Variants in UBAC2 observed in about 807,000 individuals in gnomAD.
UBAC2 encodes ubiquitin-associated domain-containing protein 2.
Under a neutral mutation model 44.0 loss-of-function variants are expected in UBAC2, and 26 were observed. The observed-to-expected ratio is 0.59, with a 90% CI of 0.43 to 0.82. UBAC2 has a LOEUF of 0.82. Ranked by LOEUF, UBAC2 falls within the 40% of genes least tolerant of loss-of-function variation. The pLI is 0.00. For missense variants in UBAC2, 329 were observed against 419.4 expected (o/e 0.78, Z 1.88); for synonymous variants, 155 against 154.3 (o/e 1.00, Z -0.04).
chr13:99,275,917 C>T (rs1414915352), intron 4 of UBAC2, among the ~76,000 whole-genome samples: 1 of 152,164 alleles, frequency 6.6e-6, no homozygotes. Flanking sequence ...CCCTGCTCAC[C>T]ACCAATGGGT....
chr13:99,291,282 A>G (rs1257197181), intron 4 of UBAC2, among the ~76,000 whole-genome samples: 1 of 152,218 alleles, frequency 6.6e-6, no homozygotes, highest in Non-Finnish European at 1.5e-5. Flanking sequence ...CTGTCTTTTA[A>G]GCAACCTGCT....
In UBAC2 at chr13:99,200,881, C is replaced by T. The variant is rs752371279; in HGVS notation, c.-28C>T. 7.7e-6 allele frequency: 10 copies of T among 1,302,284 alleles called. No individual in the cohort carries two copies. In the East Asian group the frequency reaches 1.5e-4, roughly 19 times the overall value. The allele number at this position is 1,302,284 out of a possible 1,614,324, so 80.7% of individuals were successfully genotyped here. On this transcript the variant is annotated 5_prime_UTR_variant, in exon 1 of 9. Transcript: ENST00000403766. ...ACTTCAGCTTCCCCTCCCCCGGCGC[C>T]CTCTGGGGCTCCGAGCCCGGCGGGA...
chr13:99,242,919 C>T (rs1291764248), intron 2 of UBAC2, among the ~76,000 whole-genome samples: 8 of 150,736 alleles, frequency 5.3e-5, no homozygotes, highest in Non-Finnish European at 7.4e-5. Flanking sequence ...GATGGGCGGC[C>T]GGGTAGAGAC....
chr13:99,342,654 T>G (rs151087669), intron 7 of UBAC2, among the ~76,000 whole-genome samples: 11 of 152,190 alleles, frequency 7.2e-5, no homozygotes, highest in Admixed American at 7.2e-4. Context: ...CTGTCCACCT[T>G]CCATTTGGTG....
At chr13:99,228,541 G>A (rs1246858260) in intron 1 of UBAC2, among the ~76,000 whole-genome samples, 3 of 152,106 alleles carry the variant, frequency 2.0e-5, no homozygotes, top group South Asian at 2.1e-4. Context: ...CGATCTGCCC[G>A]ACTTGGCCTC....
intron 4 of UBAC2, among the ~76,000 whole-genome samples, chr13:99,253,253 C>T (rs2043481727): frequency 6.6e-6 from 1 of 151,944 alleles, no homozygotes; most frequent in Admixed American, 6.6e-5. Flanking sequence ...TGTTTACATT[C>T]TTTAAGCATG....
intron 4 of UBAC2, among the ~76,000 whole-genome samples, chr13:99,253,169 AT>A (rs1566469194): frequency 6.6e-6 from 1 of 151,502 alleles, no homozygotes; most frequent in East Asian, 1.9e-4. Context: ...TCATTTGACT[AT>A]TGAAACTAAA....
intron 6 of UBAC2, among the ~76,000 whole-genome samples, chr13:99,326,592 A>T (rs1054182521): frequency 6.6e-6 from 1 of 152,194 alleles, no homozygotes; most frequent in South Asian, 2.1e-4. Flanking sequence ...GATGCTTACA[A>T]TGTGTACTGC....
intron 4 of UBAC2, among the ~76,000 whole-genome samples, chr13:99,247,565 G>A (rs560692406): frequency 3.3e-5 from 5 of 152,104 alleles, no homozygotes; most frequent in Admixed American, 6.5e-5. Flanking sequence ...GGAGGGGAAC[G>A]TCACACACTG....
intron 4 of UBAC2, among the ~76,000 whole-genome samples, chr13:99,266,468 A>T (rs931279915): frequency 6.6e-6 from 1 of 152,148 alleles, no homozygotes; most frequent in Non-Finnish European, 1.5e-5. Context: ...CATGGGCTGC[A>T]GGTTGGACAA....
intron 4 of UBAC2, among the ~76,000 whole-genome samples, chr13:99,308,385 A>C (rs1337628985): frequency 6.6e-6 from 1 of 152,160 alleles, no homozygotes; most frequent in African/African-American, 2.4e-5. Context: ...TCTCATAGAA[A>C]AGTGTTTACA....
intron 8 of UBAC2, among the ~76,000 whole-genome samples, chr13:99,375,282 G>GT (rs2138915625): frequency 6.6e-6 from 1 of 152,054 alleles, no homozygotes; most frequent in Non-Finnish European, 1.5e-5. Flanking sequence ...GATGTGAAAG[G>GT]AGGGGGGATC....
chr13:99,292,738 CAACTGCCAT>C (rs1304737118), intron 4 of UBAC2, among the ~76,000 whole-genome samples: 4 of 147,002 alleles, frequency 2.7e-5, no homozygotes, highest in Admixed American at 2.7e-4. Context: ...TTAATGTGGT[CAACTGCCAT>C]AATAACGATC....
intron 6 of UBAC2, among the ~76,000 whole-genome samples, chr13:99,330,353 G>C (rs557162040): frequency 6.7e-6 from 1 of 149,486 alleles, no homozygotes; most frequent in Non-Finnish European, 1.5e-5. Flanking sequence ...CAGCTATTCA[G>C]GAGGCTGAGG....
chr13:99,383,818 A>T (rs1293804240), intron 8 of UBAC2, among the ~76,000 whole-genome samples: 1 of 151,424 alleles, frequency 6.6e-6, no homozygotes, highest in Non-Finnish European at 1.5e-5. Flanking sequence ...TTGGCCCTCA[A>T]CTCTTCCCTA....
chr13:99,201,062 C>G, intron 1 of UBAC2, 123 bp downstream of exon 1: 1 of 1,329,236 alleles, frequency 7.5e-7, no homozygotes, highest in South Asian at 2.5e-5. Context: ...CCCTCCAGAC[C>G]CGCGTCCGAA....
At chr13:99,211,834 C>A (rs2042940036) in intron 1 of UBAC2, among the ~76,000 whole-genome samples, 1 of 150,446 alleles carries the variant, frequency 6.6e-6, no homozygotes, top group Non-Finnish European at 1.5e-5. Flanking sequence ...GAGCTTGAGC[C>A]CTGGTCATTG....
At chr13:99,214,324 A>G (rs1332026517) in intron 1 of UBAC2, among the ~76,000 whole-genome samples, 1 of 150,318 alleles carries the variant, frequency 6.7e-6, no homozygotes, top group African/African-American at 2.5e-5. Flanking sequence ...GTTCTTGTGC[A>G]GTCCTGAATG....
intron 3 of UBAC2, 25 bp downstream of exon 3, chr13:99,243,976 T>C: frequency 6.6e-7 from 1 of 1,503,936 alleles, no homozygotes; most frequent in South Asian, 1.3e-5. Context: ...ATTTTGTCTT[T>C]GCTACTTAGG....
Sources: gnomAD v4.1 joint callset for allele counts (sites outside exome capture counted in the v4.1 genomes callset) on GRCh38, gnomAD v4.1.1 for gene constraint, MANE v1.5 for transcripts, NCBI Gene and HGNC (gene_info 2026-07-23, HGNC 2026-07-21) for gene names.